DAAM1: variants seen among roughly 807,000 people sequenced by gnomAD.
DAAM1 encodes dishevelled associated activator of morphogenesis 1, also known as disheveled-associated activator of morphogenesis 1.
A neutral mutation model predicts 130.0 loss-of-function variants in DAAM1; 52 were observed. That is an observed-to-expected ratio of 0.40 (90% CI 0.32 to 0.50). The LOEUF is 0.50. Among genes scored for constraint, DAAM1 ranks in the 20% least tolerant of loss-of-function variants. The pLI, the probability that DAAM1 is intolerant of heterozygous loss-of-function variation, is 0.61. For synonymous variants in DAAM1, 452 were observed against 444.5 expected (o/e 1.02, Z -0.21); for missense variants, 1,134 against 1,303.8 (o/e 0.87, Z 2.01).
chr14:59,188,983 T>C (rs1887639778), intron 1 of DAAM1, among the ~76,000 whole-genome samples: 1 of 152,098 alleles, frequency 6.6e-6, no homozygotes. Context: ...CTCGGCTGCC[T>C]AGCTGGGGGT....
At position 59,369,250 on chromosome 14, in the gene DAAM1, CAAA is replaced by C. The variant is rs953485429; in HGVS notation, c.*396_*398del. The C allele has an allele frequency of 1.3e-5, 2 of 149,970 alleles. No homozygotes were observed. The highest frequency in any genetic ancestry group is 4.9e-5 in the African/African-American group (2 of 40,964). The allele number at this position is 149,970 out of a possible 1,614,324, so 9.3% of individuals were successfully genotyped here. ...AAAACAGAAGAAACAAACAAACAAA[CAAA>C]AAAAGCTTGCAAAATATTTTATGGT... On this transcript the variant is annotated 3_prime_UTR_variant, in exon 25 of 25. Coordinates refer to ENST00000360909, the MANE Select transcript of DAAM1 (RefSeq NM_001270520.2).
At chr14:59,259,423 C>T (rs971459413) in intron 1 of DAAM1, among the ~76,000 whole-genome samples, 2 of 152,208 alleles carry the variant, frequency 1.3e-5, no homozygotes, top group African/African-American at 4.8e-5. Flanking sequence ...CCTGCATGAG[C>T]TGGTCCTTGC....
chr14:59,243,210 T>A (rs779238375), intron 1 of DAAM1, among the ~76,000 whole-genome samples: 28 of 152,174 alleles, frequency 1.8e-4, no homozygotes, highest in Admixed American at 1.8e-3. Flanking sequence ...CCAGGCAGTA[T>A]CTGGTTTTGT....
intron 2 of DAAM1, among the ~76,000 whole-genome samples, chr14:59,279,245 C>T (rs189476767): frequency 3.3e-5 from 5 of 152,214 alleles, no homozygotes; most frequent in African/African-American, 9.6e-5. Context: ...GACAATCATC[C>T]GCTTTCTGGC....
intron 1 of DAAM1, among the ~76,000 whole-genome samples, chr14:59,234,791 T>C (rs865831116): frequency 2.6e-5 from 4 of 152,204 alleles, no homozygotes; most frequent in Non-Finnish European, 5.9e-5. Context: ...TATTTTGAGA[T>C]GTCTTCCATC....
At chr14:59,232,183 C>G (rs1421687779) in intron 1 of DAAM1, among the ~76,000 whole-genome samples, 9 of 152,070 alleles carry the variant, frequency 5.9e-5, no homozygotes, top group Non-Finnish European at 4.4e-5. Context: ...TTATAAACAC[C>G]CATACCTGTC....
At chr14:59,333,167 C>G (rs767989791) in intron 15 of DAAM1, among the ~76,000 whole-genome samples, 22 of 152,080 alleles carry the variant, frequency 1.4e-4, no homozygotes, top group Non-Finnish European at 2.5e-4. Flanking sequence ...GAATATTTTT[C>G]CTTAAGAAAG....
chr14:59,204,444 C>G (rs1651376052), intron 1 of DAAM1, among the ~76,000 whole-genome samples: 1 of 152,184 alleles, frequency 6.6e-6, no homozygotes, highest in African/African-American at 2.4e-5. Flanking sequence ...GAGAACATCT[C>G]TCTGATTTTT....
At chr14:59,326,690 A>G (rs1885217019) in intron 11 of DAAM1, 42 bp downstream of exon 11, 4 of 1,598,438 alleles carry the variant, frequency 2.5e-6, no homozygotes, top group East Asian at 4.5e-5. Flanking sequence ...TAATGGTGAC[A>G]ATGTAAGATA....
At chr14:59,317,327 G>C (rs1405469916) in intron 4 of DAAM1, among the ~76,000 whole-genome samples, 1 of 152,164 alleles carries the variant, frequency 6.6e-6, no homozygotes, top group South Asian at 2.1e-4. Context: ...GGAATAAGGA[G>C]ATCTGATGAG....
chr14:59,284,083 A>T (rs1883340763), intron 2 of DAAM1, among the ~76,000 whole-genome samples: 1 of 152,100 alleles, frequency 6.6e-6, no homozygotes, highest in South Asian at 2.1e-4. Context: ...GATTTAAGGA[A>T]CCTTCCTGGT....
chr14:59,335,301 A>C (rs1004802585), intron 15 of DAAM1, among the ~76,000 whole-genome samples: 5 of 152,174 alleles, frequency 3.3e-5, no homozygotes, highest in Non-Finnish European at 5.9e-5. Flanking sequence ...ATGAAATGGG[A>C]TCTAATAGCA....
intron 1 of DAAM1, among the ~76,000 whole-genome samples, chr14:59,253,614 G>C (rs145792446): frequency 6.6e-5 from 10 of 152,254 alleles, no homozygotes; most frequent in African/African-American, 2.4e-4. Flanking sequence ...TATGCCAAGA[G>C]CCATTTTTCT....
chr14:59,324,130 A>G lies in DAAM1; in HGVS notation c.777A>G (p.Thr259=), dbSNP rs766776410. Reference sequence around the variant, plus strand: ...CTTTGTTTTTCTATTTTTGATAGACATTAATTAACGACTTGGATAAAAGCA... The same window carrying G: ...CTTTGTTTTTCTATTTTTGATAGACGTTAATTAACGACTTGGATAAAAGCA... ...KYASERTRFQ[T]LINDLDKSTG... The change falls in exon 7 of 25, where the codon ACA becomes ACG. Residue 259 remains threonine, a splice_region_variant and synonymous_variant. Coordinates refer to ENST00000360909, the MANE Select transcript of DAAM1 (RefSeq NM_001270520.2). 57 of 1,394,858 alleles carry G rather than the reference A, an allele frequency of 4.1e-5. No homozygotes were observed. Among genetic ancestry groups the G allele is most frequent in the Non-Finnish European group, 4.8e-5 (51 of 1,064,174 alleles). The allele number at this position is 1,394,858 out of a possible 1,614,324, so 86.4% of individuals were successfully genotyped here.
At chr14:59,331,117 A>G (rs1453133638) in intron 13 of DAAM1, 92 bp from the exon 14 acceptor site, 6 of 1,534,922 alleles carry the variant, frequency 3.9e-6, no homozygotes, top group African/African-American at 2.8e-5. Context: ...TTTCTCTATA[A>G]TAAACATTTT....
chr14:59,291,443 C>T, intron 3 of DAAM1, 137 bp downstream of exon 3: 2 of 663,834 alleles, frequency 3.0e-6, no homozygotes, highest in Non-Finnish European at 4.9e-6. Context: ...GGCTGTGGTG[C>T]TACATGTAGC....
intron 1 of DAAM1, among the ~76,000 whole-genome samples, chr14:59,246,359 A>G (rs1024664363): frequency 2.0e-5 from 3 of 152,140 alleles, no homozygotes; most frequent in African/African-American, 4.8e-5. Flanking sequence ...TGTCTTCAAC[A>G]TTTACCCATG....
Position 59,330,524 on chromosome 14 carries a change from C to T in DAAM1, c.1396C>T (p.Leu466=). The change falls in exon 13 of 25, where the codon CTG becomes TTG. Residue 466 remains leucine (L), a synonymous_variant. Coordinates refer to ENST00000360909, the MANE Select transcript of DAAM1 (RefSeq NM_001270520.2). ...AGAGCACAATGAGCTACAACAGAAA[C>T]TGGAAAAGAAAGAACGAGAATGTGA... ...RKEHNELQQK[L]EKKERECDAK... 6.2e-7 allele frequency: 1 copy of T among 1,609,786 alleles called. No individual in the cohort carries two copies. The highest frequency in any genetic ancestry group is 2.2e-5 in the East Asian group (1 of 44,746).
chr14:59,190,921 A>G (rs1887712221), intron 1 of DAAM1, among the ~76,000 whole-genome samples: 1 of 152,230 alleles, frequency 6.6e-6, no homozygotes, highest in Non-Finnish European at 1.5e-5. Flanking sequence ...TACTGTTTAT[A>G]CTACCACTAC....
Sources: gnomAD v4.1 joint callset for allele counts (sites outside exome capture counted in the v4.1 genomes callset) on GRCh38, gnomAD v4.1.1 for gene constraint, MANE v1.5 for transcripts, NCBI Gene and HGNC (gene_info 2026-07-23, HGNC 2026-07-21) for gene names.